The following ADGRB3 variants were observed in gnomAD, a reference collection of about 807,000 sequenced individuals.
ADGRB3 encodes brain-specific angiogenesis inhibitor 3.
ADGRB3 carries 37 observed loss-of-function variants against 193.4 expected under a neutral mutation model. That is an observed-to-expected ratio of 0.19 (90% CI 0.15 to 0.25). The LOEUF (loss-of-function observed/expected upper bound fraction) is 0.25. Among genes scored for constraint, ADGRB3 ranks in the 10% least tolerant of loss-of-function variants. The probability of loss-of-function intolerance (pLI) is 1.00; values close to 1 mark genes in which losing one functional copy is unlikely to be tolerated. For synonymous variants in ADGRB3, 690 were observed against 644.2 expected (o/e 1.07, Z -1.08); for missense variants, 1,637 against 1,852.9 (o/e 0.88, Z 2.14).
rs773421910 is a variant in ADGRB3, at chr6:69,361,132, G to A, written c.3859G>A (p.Asp1287Asn). 72 of 1,612,758 alleles carry A rather than the reference G, an allele frequency of 4.5e-5. No homozygotes were observed. The highest frequency in any genetic ancestry group is 5.6e-5 in the Non-Finnish European group (66 of 1,179,310). The change falls in exon 29 of 32, where the codon GAT becomes AAT. Residue 1287 changes from aspartate (D) to asparagine (N), a missense_variant. Around this residue, in one of 7 missense-constraint regions of ADGRB3, gnomAD observed 368 missense variants for 367.4 expected, o/e 1.00. Coordinates refer to ENST00000370598, the MANE Select transcript of ADGRB3 (RefSeq NM_001704.3). ...GAGAACTGTGTACTTATGTACGGAT[G>A]ATAATTTGAGAGGGGCTGACATGGA... Reference protein sequence around the residue: ...LRRTVYLCTDDNLRGADMDIV... With the variant: ...LRRTVYLCTDNNLRGADMDIV...
rs751451715 is a variant in ADGRB3 at position 68,974,827 on chromosome 6, C to T, written c.1590C>T (p.Gly530=). The T allele has an allele frequency of 2.1e-5, 34 of 1,613,770 alleles. No individual in the cohort carries two copies. The highest frequency in any genetic ancestry group is 2.0e-4 in the South Asian group (18 of 91,078). Residue 530 remains glycine (G), a synonymous_variant, in exon 9 of 32, where the codon GGC becomes GGT. Coordinates refer to ENST00000370598, the MANE Select transcript of ADGRB3 (RefSeq NM_001704.3). The stretch of plus-strand genomic sequence containing the variant: ...TGGTGTGGAAAAGAACTCCAGCAGG[C>T]GACTTGGCATTCAATCAATGTCCCC... ...MSMVWKRTPA[G]DLAFNQCPLN... is the part of the protein sequence containing the mutation.
chr6:69,360,242 T>A (rs1000107398), intron 28 of ADGRB3, among the ~76,000 whole-genome samples: 2 of 151,970 alleles, frequency 1.3e-5, no homozygotes, highest in South Asian at 2.1e-4. Flanking sequence ...ATTAATTTTT[T>A]AAATTTTCTT....
chr6:69,349,561 TA>T (rs1449246809), intron 26 of ADGRB3, among the ~76,000 whole-genome samples: 2 of 152,184 alleles, frequency 1.3e-5, no homozygotes, highest in Non-Finnish European at 2.9e-5. Flanking sequence ...TCAACTATCA[TA>T]ATACATATGA....
intron 20 of ADGRB3, among the ~76,000 whole-genome samples, chr6:69,279,950 C>T (rs1011704508): frequency 1.6e-4 from 24 of 152,122 alleles, no homozygotes; most frequent in Admixed American, 1.6e-3. Flanking sequence ...AGAAAAGCCT[C>T]CTACTGCTTT....
At chr6:69,160,365 A>G (rs1051515190) in intron 17 of ADGRB3, among the ~76,000 whole-genome samples, 2 of 151,990 alleles carry the variant, frequency 1.3e-5, no homozygotes, top group African/African-American at 4.8e-5. Flanking sequence ...CAAGCCACAC[A>G]TGTCTCTTGG....
intron 3 of ADGRB3, among the ~76,000 whole-genome samples, chr6:68,885,123 G>A (rs1765871503): frequency 6.6e-6 from 1 of 152,170 alleles, no homozygotes; most frequent in South Asian, 2.1e-4. Context: ...ATTGGTCAGA[G>A]GTCCCCAGTG....
At chr6:68,719,176 C>A (rs1032363099) in intron 3 of ADGRB3, among the ~76,000 whole-genome samples, 5 of 151,544 alleles carry the variant, frequency 3.3e-5, no homozygotes, top group Admixed American at 6.6e-5. Context: ...TTTTCTATTC[C>A]TGCCTTAGTT....
At chr6:69,026,832 T>C (rs980947370) in intron 13 of ADGRB3, among the ~76,000 whole-genome samples, 3 of 152,132 alleles carry the variant, frequency 2.0e-5, no homozygotes, top group Non-Finnish European at 2.9e-5. Context: ...ACAAATTTGG[T>C]ATAAAATATT....
At chr6:69,348,453 C>A (rs1027463086) in intron 26 of ADGRB3, among the ~76,000 whole-genome samples, 6 of 149,408 alleles carry the variant, frequency 4.0e-5, no homozygotes, top group African/African-American at 1.5e-4. Context: ...TCAAGACCAG[C>A]CTGGCCAACA....
At chr6:68,950,500 C>G (rs1767885619) in intron 6 of ADGRB3, among the ~76,000 whole-genome samples, 1 of 152,086 alleles carries the variant, frequency 6.6e-6, no homozygotes, top group African/African-American at 2.4e-5. Context: ...TATTGCAGTA[C>G]TCGCTGCTTT....
chr6:69,004,158 G>A (rs1462016846), intron 11 of ADGRB3, among the ~76,000 whole-genome samples: 1 of 152,142 alleles, frequency 6.6e-6, no homozygotes, highest in Non-Finnish European at 1.5e-5. Context: ...ATTGAAGAAT[G>A]TTTTGGTTTA....
intron 17 of ADGRB3, among the ~76,000 whole-genome samples, chr6:69,176,177 T>C (rs1331792201): frequency 1.3e-5 from 2 of 152,198 alleles, no homozygotes; most frequent in Non-Finnish European, 2.9e-5. Context: ...CACTATGTTG[T>C]ATAGGAGTGG....
At chr6:69,109,399 G>T (rs62406779) in intron 17 of ADGRB3, among the ~76,000 whole-genome samples, 30,178 of 152,008 alleles carry the variant, frequency 0.2, 3,276 homozygotes, top group Middle Eastern at 0.33. Flanking sequence ...AGTCTTCCAT[G>T]TCCTTTGTCC....
At chr6:68,677,709 G>A (rs1769130930) in intron 3 of ADGRB3, among the ~76,000 whole-genome samples, 1 of 151,716 alleles carries the variant, frequency 6.6e-6, no homozygotes, top group Admixed American at 6.6e-5. Context: ...GGCAGAGAAG[G>A]AGTTTCACCA....
At position 68,833,873 on chromosome 6, in the gene ADGRB3, TAAA is replaced by T. The variant is rs1210484636; in HGVS notation, c.758-96684_758-96682del. Among the ~76,000 whole-genome samples, 238 of 151,962 alleles carry T rather than the reference TAAA, an allele frequency of 1.6e-3. 3 individuals carry two copies. Among genetic ancestry groups the T allele is most frequent in the African/African-American group, 5.5e-3 (229 of 41,522 alleles). ...TTAGAAAAGATAAAATGATGGAGAT[TAAA>T]ATGTCAATTTGTTTGCTGTGATAAT... On this transcript the variant is annotated intron_variant, in intron 3 of 31. Transcript: ENST00000370598.
chr6:68,661,305 A>G (rs7756123), intron 3 of ADGRB3, among the ~76,000 whole-genome samples: 47 of 96,722 alleles, frequency 4.9e-4, no homozygotes, highest in Admixed American at 8.9e-4. Flanking sequence ...ATATATATAT[A>G]TGTGTGTGTG....
At chr6:68,890,864 A>G (rs1766054328) in intron 3 of ADGRB3, among the ~76,000 whole-genome samples, 1 of 152,230 alleles carries the variant, frequency 6.6e-6, no homozygotes, top group South Asian at 2.1e-4. Flanking sequence ...AGGGAGGTGG[A>G]AAGTTTAGCA....
chr6:68,695,950 T>G (rs949159864), intron 3 of ADGRB3, among the ~76,000 whole-genome samples: 1 of 152,044 alleles, frequency 6.6e-6, no homozygotes, highest in African/African-American at 2.4e-5. Context: ...TTTGCATATC[T>G]AGGATTTTTG....
At chr6:69,181,107 T>G (rs1037941990) in intron 17 of ADGRB3, among the ~76,000 whole-genome samples, 2 of 152,146 alleles carry the variant, frequency 1.3e-5, no homozygotes, top group Non-Finnish European at 2.9e-5. Flanking sequence ...CTTCACTCAC[T>G]TTTATCAACT....
Sources: allele counts gnomAD v4.1 joint callset (sites outside exome capture counted in the v4.1 genomes callset), GRCh38; gene constraint gnomAD v4.1.1; regional missense constraint gnomAD v4.1.1; transcripts MANE v1.5; gene names NCBI Gene and HGNC (gene_info 2026-07-23, HGNC 2026-07-21).